The following RUNX1 variants were observed in gnomAD, a reference collection of about 807,000 sequenced individuals.
RUNX1 encodes RUNX family transcription factor 1.
A neutral mutation model predicts 42.8 loss-of-function variants in RUNX1; 19 were observed. The ratio of observed to expected loss-of-function variants is 0.44; its 90% CI spans 0.31 to 0.65. RUNX1 has a LOEUF of 0.65. Ranked by LOEUF, RUNX1 falls within the 30% of genes least tolerant of loss-of-function variation. The pLI, the probability that RUNX1 is intolerant of heterozygous loss-of-function variation, is 0.07. For synonymous variants in RUNX1, 271 were observed against 289.4 expected, an observed-to-expected ratio of 0.94 and a Z score of 0.64; for missense variants, 528 against 672.0, an observed-to-expected ratio of 0.79 and a Z score of 2.37.
At chr21:34,873,861 G>A (rs9981325) in intron 5 of RUNX1, among the ~76,000 whole-genome samples, 32,413 of 152,026 alleles carry the variant, frequency 0.21, 3,597 homozygotes, top group African/African-American at 0.25. Context: ...GAGTATGCGC[G>A]CTGCCTGAAG....
chr21:34,989,154 G>T (rs1044039307), intron 2 of RUNX1, among the ~76,000 whole-genome samples: 2 of 151,894 alleles, frequency 1.3e-5, no homozygotes, highest in African/African-American at 4.8e-5. Flanking sequence ...GATTACAGGC[G>T]CCCGCCGCCA....
At chr21:34,921,545 T>G (rs2058353899) in intron 2 of RUNX1, among the ~76,000 whole-genome samples, 1 of 152,208 alleles carries the variant, frequency 6.6e-6, no homozygotes, top group Non-Finnish European at 1.5e-5. Context: ...TGGGCTTGGG[T>G]TGCTTCCACC....
intron 2 of RUNX1, among the ~76,000 whole-genome samples, chr21:34,953,200 G>A (rs549334243): frequency 1.2e-3 from 188 of 151,874 alleles, no homozygotes; most frequent in Non-Finnish European, 1.5e-3. Context: ...TGCAACAAGC[G>A]TTGACAAGTG....
At chr21:35,017,063 G>A (rs754304822) in intron 2 of RUNX1, among the ~76,000 whole-genome samples, 7 of 152,036 alleles carry the variant, frequency 4.6e-5, no homozygotes, top group Non-Finnish European at 7.4e-5. Context: ...GGTGGAGCTG[G>A]CCTCCCTCAG....
chr21:34,851,609 T>C (rs2284616), intron 6 of RUNX1, among the ~76,000 whole-genome samples: 51,833 of 152,002 alleles, frequency 0.34, 9,133 homozygotes, highest in East Asian at 0.52. Context: ...TCTTATGGCA[T>C]GTCATACAAT....
chr21:34,906,909 G>A (rs1350306102), intron 2 of RUNX1, among the ~76,000 whole-genome samples: 3 of 152,198 alleles, frequency 2.0e-5, no homozygotes, highest in Non-Finnish European at 2.9e-5. Flanking sequence ...TTGGGTTTGA[G>A]CCCATGGCCT....
intron 2 of RUNX1, among the ~76,000 whole-genome samples, chr21:35,001,035 G>A (rs2059038087): frequency 6.6e-6 from 1 of 152,192 alleles, no homozygotes; most frequent in South Asian, 2.1e-4. Context: ...TTCTTACGCT[G>A]AAGAACATGT....
chr21:34,956,258 T>TGCCATA (rs1462572939), intron 2 of RUNX1, among the ~76,000 whole-genome samples: 1 of 152,118 alleles, frequency 6.6e-6, no homozygotes, highest in African/African-American at 2.4e-5. Flanking sequence ...TTGTGAATTT[T>TGCCATA]GCCATAGCCC....
At chr21:34,981,269 A>T (rs1335247266) in intron 2 of RUNX1, among the ~76,000 whole-genome samples, 2 of 152,226 alleles carry the variant, frequency 1.3e-5, no homozygotes, top group East Asian at 3.8e-4. Flanking sequence ...CCAACCATGG[A>T]AACCTGGGAC....
chr21:34,859,336 T>C (rs775565796), intron 6 of RUNX1, 138 bp downstream of exon 6: 1 of 728,028 alleles, frequency 1.4e-6, no homozygotes, highest in African/African-American at 1.7e-5. Context: ...ACAATGCAAC[T>C]TTTTGGCTTT....
intron 2 of RUNX1, among the ~76,000 whole-genome samples, chr21:34,941,956 G>A (rs1337852428): frequency 6.6e-6 from 1 of 151,454 alleles, no homozygotes; most frequent in African/African-American, 2.4e-5. Flanking sequence ...TCTTTTGGAG[G>A]GCACTCTGAA....
At chr21:34,799,260 C>T (rs2056573745) in intron 8 of RUNX1, 41 bp downstream of exon 8, 2 of 1,611,546 alleles carry the variant, frequency 1.2e-6, no homozygotes, top group Non-Finnish European at 1.7e-6. Context: ...GGACCTTCCA[C>T]CCCAGCTCAG....
intron 7 of RUNX1, among the ~76,000 whole-genome samples, chr21:34,815,345 A>C (rs1054444080): frequency 7.2e-5 from 11 of 151,988 alleles, no homozygotes; most frequent in Admixed American, 3.3e-4. Context: ...TTCTGCTAGG[A>C]GAATGCTGGG....
intron 2 of RUNX1, among the ~76,000 whole-genome samples, chr21:34,974,423 G>A (rs918427254): frequency 4.6e-5 from 7 of 151,850 alleles, no homozygotes; most frequent in African/African-American, 1.7e-4. Flanking sequence ...GTGGTTCAGT[G>A]TGGTTTTTAC....
chr21:34,844,737 GC>G (rs958547639), intron 6 of RUNX1, among the ~76,000 whole-genome samples: 3 of 152,168 alleles, frequency 2.0e-5, no homozygotes, highest in Admixed American at 1.3e-4. Context: ...TAAAAGCCCT[GC>G]CCCCTGGGCC....
At chr21:34,918,951 A>T (rs1341279576) in intron 2 of RUNX1, among the ~76,000 whole-genome samples, 1 of 152,172 alleles carries the variant, frequency 6.6e-6, no homozygotes, top group African/African-American at 2.4e-5. Context: ...TATGTGTGAA[A>T]TGACAGTAGA....
At chr21:34,798,815 G>A (rs973127116) in intron 8 of RUNX1, among the ~76,000 whole-genome samples, 2 of 151,976 alleles carry the variant, frequency 1.3e-5, no homozygotes, top group Non-Finnish European at 1.5e-5. Context: ...GCATCCATGG[G>A]TTTTGGTATC....
intron 2 of RUNX1, among the ~76,000 whole-genome samples, chr21:34,993,630 CACAG>C (rs2058966290): frequency 8.9e-6 from 1 of 111,930 alleles, no homozygotes; most frequent in Non-Finnish European, 1.8e-5. Context: ...CAGACACACA[CACAG>C]ACACACACAG....
At chr21:34,820,180 G>C (rs1203467474) in intron 7 of RUNX1, among the ~76,000 whole-genome samples, 1 of 152,164 alleles carries the variant, frequency 6.6e-6, no homozygotes, top group Non-Finnish European at 1.5e-5. Context: ...CAGGGCTGGG[G>C]TGCCGGCTGG....
Sources: allele counts gnomAD v4.1 joint callset (sites outside exome capture counted in the v4.1 genomes callset), GRCh38; gene constraint gnomAD v4.1.1; transcripts MANE v1.5; gene names NCBI Gene and HGNC (gene_info 2026-07-23, HGNC 2026-07-21).